The following SPX variants were observed in gnomAD, a reference collection of about 807,000 sequenced individuals.
The protein encoded by SPX is spexin.
In SPX, 22 loss-of-function variants were observed where a neutral mutation model predicts 19.2. The observed-to-expected ratio is 1.15, with a 90% CI of 0.82 to 1.64. The LOEUF (loss-of-function observed/expected upper bound fraction) is 1.64. Ranked by LOEUF, SPX falls within the 40% of genes most tolerant of loss-of-function variation. The pLI is 0.00. For synonymous variants in SPX, 50 were observed against 53.3 expected (o/e 0.94, Z 0.27); for missense variants, 143 against 137.7 (o/e 1.04, Z -0.19).
In SPX at chr12:21,532,005, C is replaced by T. The variant is rs1190626552; in HGVS notation, c.*810C>T. 3 of 152,166 alleles carry T rather than the reference C, an allele frequency of 2.0e-5. No individual in the cohort carries two copies. The highest frequency in any genetic ancestry group is 4.1e-4 in the South Asian group (2 of 4,838). 9.4% of individuals were successfully genotyped at this position (152,166 alleles called of 1,614,324 possible). A position where few individuals can be genotyped will look rare whatever the true frequency, so the allele number is the denominator to read the frequency against. Reference sequence around the variant, plus strand: ...AACAGATTCAAGTACTCTGCTTACTCTAATTGACTAGACTCTAGGTTTTAT... The same window carrying T: ...AACAGATTCAAGTACTCTGCTTACTTTAATTGACTAGACTCTAGGTTTTAT... On this transcript the variant is annotated 3_prime_UTR_variant, in exon 6 of 6. Transcript: ENST00000256969.
chr12:21,527,552 C>G lies in SPX; in HGVS notation c.146-175C>G, dbSNP rs1943825981. On this transcript the variant is annotated intron_variant, in intron 3 of 5. Coordinates refer to ENST00000256969, the MANE Select transcript of SPX (RefSeq NM_030572.4). ...CTCCAGAGCTCCAGGGCCCCTGGCTCAGCCCGGGGTTGCGCTGGGAGCGCT... is the reference window on the plus strand; with the variant it reads ...CTCCAGAGCTCCAGGGCCCCTGGCTGAGCCCGGGGTTGCGCTGGGAGCGCT... 2.4e-5 allele frequency: 16 copies of G among 678,982 alleles called. No homozygotes were observed. The South Asian group carries it at 2.9e-4, about 12-fold the overall frequency. 42.1% of individuals were successfully genotyped at this position (678,982 alleles called of 1,614,324 possible).
In SPX at chr12:21,531,990, A is replaced by G. The variant is rs1943870233; in HGVS notation, c.*795A>G. The stretch of plus-strand genomic sequence containing the variant: ...TGACCAAACAGACTCAACAGATTCA[A>G]GTACTCTGCTTACTCTAATTGACTA... On this transcript the variant is annotated 3_prime_UTR_variant, in exon 6 of 6. Coordinates refer to ENST00000256969, the MANE Select transcript of SPX (RefSeq NM_030572.4). 3.9e-5 allele frequency: 6 copies of G among 152,224 alleles called. 1 individual carries two copies. In the South Asian group the frequency reaches 1.2e-3, roughly 31 times the overall value. 9.4% of individuals were successfully genotyped at this position (152,224 alleles called of 1,614,324 possible).
chr12:21,526,325 A>T lies in SPX; in HGVS notation c.-148A>T, dbSNP rs1943813754. The T allele has an allele frequency of 1.7e-6, 1 of 596,442 alleles. No homozygotes were observed. The highest frequency in any genetic ancestry group is 2.9e-6 in the Non-Finnish European group (1 of 348,182). The allele number at this position is 596,442 out of a possible 1,614,324, so 36.9% of individuals were successfully genotyped here. A position where few individuals can be genotyped will look rare whatever the true frequency, so the allele number is the denominator to read the frequency against. On this transcript the variant is annotated 5_prime_UTR_variant, in exon 1 of 6. Coordinates refer to ENST00000256969, the MANE Select transcript of SPX (RefSeq NM_030572.4). Reference sequence around the variant, plus strand: ...GATTCTCAATCTTGCTTGAAGACTGACAAGATGTCCCTGTGGACTCCCAAA... The same window carrying T: ...GATTCTCAATCTTGCTTGAAGACTGTCAAGATGTCCCTGTGGACTCCCAAA...
At chr12:21,530,055 C>A (rs1014397771) in intron 5 of SPX, among the ~76,000 whole-genome samples, 1 of 152,044 alleles carries the variant, frequency 6.6e-6, no homozygotes, top group African/African-American at 2.4e-5. Context: ...GATTATAGGT[C>A]CCCATCTCAA....
At chr12:21,530,290 A>C (rs1056215034) in intron 5 of SPX, among the ~76,000 whole-genome samples, 1 of 152,162 alleles carries the variant, frequency 6.6e-6, no homozygotes, top group Non-Finnish European at 1.5e-5. Context: ...AGTGGAATTT[A>C]TACAGGGACG....
rs1943820263 is a variant in SPX at position 21,526,953 on chromosome 12, G to C, written c.74G>C (p.Ser25Thr). Residue 25 changes from serine to threonine, a missense_variant, in exon 2 of 6, where the codon AGC (serine) becomes ACC (threonine). Transcript: ENST00000256969. ...FLVFVFLGNS[S>T]CAPQRLLERR... The stretch of plus-strand genomic sequence containing the variant: ...GTGTTTGTTTTCCTGGGAAACTCCA[G>C]CTGCGCTCCGCAGGTAATCAAATGC... 1 of 1,614,078 alleles carries C rather than the reference G, an allele frequency of 6.2e-7. No homozygotes were observed. The highest frequency in any genetic ancestry group is 1.7e-5 in the Admixed American group (1 of 60,012).
At chr12:21,530,205 A>G (rs1203930940) in intron 5 of SPX, among the ~76,000 whole-genome samples, 1 of 152,208 alleles carries the variant, frequency 6.6e-6, no homozygotes, top group African/African-American at 2.4e-5. Flanking sequence ...ATTAATCACT[A>G]GTCTTCTTTA....
intron 3 of SPX, 118 bp from the exon 4 acceptor site, chr12:21,527,609 T>C: frequency 2.9e-6 from 3 of 1,042,454 alleles, no homozygotes; most frequent in East Asian, 2.6e-5. Flanking sequence ...GACCCTATCC[T>C]GGAGCAACCT....
At chr12:21,526,538 A>G in intron 1 of SPX, 60 bp downstream of exon 1, 1 of 1,465,460 alleles carries the variant, frequency 6.8e-7, no homozygotes, top group Non-Finnish European at 9.4e-7. Context: ...GTTTTATAGC[A>G]TTTTACCTAT....
intron 2 of SPX, 43 bp downstream of exon 2, chr12:21,527,009 G>A (rs374008541): frequency 1.9e-6 from 3 of 1,589,610 alleles, no homozygotes; most frequent in African/African-American, 2.7e-5. Flanking sequence ...AATGCGCACT[G>A]TGTGTCCACT....
At chr12:21,528,849 A>C in intron 4 of SPX, 152 bp from the exon 5 acceptor site, 1 of 670,922 alleles carries the variant, frequency 1.5e-6, no homozygotes, top group South Asian at 1.8e-5. Context: ...GTGACATGTT[A>C]AAAAATTAGT....
chr12:21,526,557 T>A, intron 1 of SPX, 79 bp downstream of exon 1: 1 of 1,357,912 alleles, frequency 7.4e-7, no homozygotes, highest in Non-Finnish European at 1.0e-6. Flanking sequence ...ATTTCATGTT[T>A]AATAAGGATT....
intron 3 of SPX, 68 bp from the exon 4 acceptor site, chr12:21,527,659 G>T: frequency 6.8e-7 from 1 of 1,464,850 alleles, no homozygotes; most frequent in African/African-American, 1.4e-5. Flanking sequence ...GTGCCGGGAG[G>T]AGCTGAGGTT....
intron 5 of SPX, among the ~76,000 whole-genome samples, chr12:21,530,831 G>A (rs1045729471): frequency 1.1e-4 from 17 of 152,144 alleles, no homozygotes; most frequent in African/African-American, 4.1e-4. Flanking sequence ...TTAGATATAA[G>A]TCAATCTGTG....
At chr12:21,527,947 G>A (rs1943830770) in intron 4 of SPX, 158 bp downstream of exon 4, 4 of 751,564 alleles carry the variant, frequency 5.3e-6, no homozygotes, top group Non-Finnish European at 8.2e-6. Flanking sequence ...AGGGCAGCCC[G>A]GGTTGGCAGC....
intron 5 of SPX, among the ~76,000 whole-genome samples, chr12:21,530,850 A>T (rs188848108): frequency 1.3e-5 from 2 of 152,326 alleles, no homozygotes; most frequent in East Asian, 3.9e-4. Context: ...TGAGAGCAAG[A>T]CACATGACTT....
At position 21,527,000 on chromosome 12, in the gene SPX, A is replaced by G. The variant is rs747398641; in HGVS notation, c.87+34A>G. Reference sequence around the variant, plus strand: ...ATGCAAAATAAAAAATTTTAAAACAATGCGCACTGTGTGTCCACTCTGCTC... The same window carrying G: ...ATGCAAAATAAAAAATTTTAAAACAGTGCGCACTGTGTGTCCACTCTGCTC... On this transcript the variant is annotated intron_variant, in intron 2 of 5. Coordinates refer to ENST00000256969, the MANE Select transcript of SPX (RefSeq NM_030572.4). 2.5e-6 allele frequency: 4 copies of G among 1,599,280 alleles called. No individual in the cohort carries two copies. The East Asian group carries it at 6.7e-5, about 27-fold the overall frequency.
chr12:21,526,419 G>A lies in SPX; in HGVS notation c.-54G>A, dbSNP rs375155207. On this transcript the variant is annotated 5_prime_UTR_variant, in exon 1 of 6. Coordinates refer to ENST00000256969, the MANE Select transcript of SPX (RefSeq NM_030572.4). ...AAGCTCCAATTTCAGAGCAAGAGTC[G>A]AAAACTCACAGATAAAGTTATAGTT... is the stretch of plus-strand genomic sequence containing the variant. 12 of 1,544,466 alleles carry A rather than the reference G, an allele frequency of 7.8e-6. No homozygotes were observed. The highest frequency in any genetic ancestry group is 4.6e-5 in the East Asian group (2 of 43,934).
chr12:21,528,321 A>C (rs975226284), intron 4 of SPX, among the ~76,000 whole-genome samples: 1 of 152,256 alleles, frequency 6.6e-6, no homozygotes, highest in Non-Finnish European at 1.5e-5. Flanking sequence ...TCAAAGGTTC[A>C]AAATCAAAAG....
Sources: gnomAD v4.1 joint callset for allele counts (sites outside exome capture counted in the v4.1 genomes callset) on GRCh38, gnomAD v4.1.1 for gene constraint, MANE v1.5 for transcripts, NCBI Gene and HGNC (gene_info 2026-07-23, HGNC 2026-07-21) for gene names.